The following ABCB1 variants were observed in gnomAD, a reference collection of about 807,000 sequenced individuals.
The protein encoded by ABCB1 is ATP-dependent translocase ABCB1.
A neutral mutation model predicts 142.0 loss-of-function variants in ABCB1; 69 were observed. The ratio of observed to expected loss-of-function variants is 0.49; its 90% confidence interval spans 0.40 to 0.59. The LOEUF is 0.59. Among genes scored for constraint, ABCB1 ranks in the 20% least tolerant of loss-of-function variants. The pLI is 0.00. For missense variants in ABCB1, 1,326 were observed against 1,554.7 expected (o/e 0.85, Z 2.47); for synonymous variants, 532 against 539.2 (o/e 0.99, Z 0.18).
chr7:87,707,914 A>G (rs1282983506), intron 1 of ABCB1, among the ~76,000 whole-genome samples: 1 of 152,100 alleles, frequency 6.6e-6, no homozygotes, highest in African/African-American at 2.4e-5. Flanking sequence ...ACTGAGGAGA[A>G]CTTCTAAATA....
At chr7:87,637,604 A>G (rs997514121) in intron 1 of ABCB1, among the ~76,000 whole-genome samples, 1 of 152,070 alleles carries the variant, frequency 6.6e-6, no homozygotes, top group African/African-American at 2.4e-5. Flanking sequence ...TCAATAATGT[A>G]GTTTTGCATA....
intron 20 of ABCB1, among the ~76,000 whole-genome samples, chr7:87,534,917 TAA>T (rs139364527): frequency 6.9e-4 from 63 of 91,786 alleles, no homozygotes; most frequent in East Asian, 6.5e-3. Flanking sequence ...CCTGTCTCTT[TAA>T]AAAAAAAAAA....
intron 1 of ABCB1, among the ~76,000 whole-genome samples, chr7:87,628,192 C>T (rs1820793193): frequency 6.6e-6 from 1 of 152,162 alleles, no homozygotes. Flanking sequence ...GCCTGTGTGG[C>T]TACTGGCGGC....
At chr7:87,705,270 T>G (rs540810310) in intron 1 of ABCB1, among the ~76,000 whole-genome samples, 11 of 152,080 alleles carry the variant, frequency 7.2e-5, no homozygotes, top group African/African-American at 2.7e-4. Context: ...ACTTAAAATA[T>G]GAAAAATTAG....
intron 1 of ABCB1, among the ~76,000 whole-genome samples, chr7:87,612,615 T>C (rs1014734994): frequency 6.6e-6 from 1 of 152,192 alleles, no homozygotes; most frequent in Non-Finnish European, 1.5e-5. Context: ...GTTCTATTGG[T>C]CTATATATCT....
intron 1 of ABCB1, among the ~76,000 whole-genome samples, chr7:87,659,985 T>C (rs1263171050): frequency 1.3e-5 from 2 of 152,186 alleles, no homozygotes; most frequent in Non-Finnish European, 2.9e-5. Context: ...ATTGTTTTAA[T>C]CTACTTTGCC....
At chr7:87,580,629 T>C (rs1372010483) in intron 4 of ABCB1, among the ~76,000 whole-genome samples, 2 of 152,206 alleles carry the variant, frequency 1.3e-5, no homozygotes, top group African/African-American at 4.8e-5. Context: ...ATTACCCTTT[T>C]AAATAAACTT....
At chr7:87,597,037 A>G (rs1193775379) in intron 2 of ABCB1, among the ~76,000 whole-genome samples, 1 of 152,112 alleles carries the variant, frequency 6.6e-6, no homozygotes, top group Non-Finnish European at 1.5e-5. Flanking sequence ...AAACAATTCT[A>G]TGAGGAAGAC....
At chr7:87,531,550 A>C in intron 20 of ABCB1, 53 bp from the exon 21 acceptor site, 106 of 1,541,172 alleles carry the variant, frequency 6.9e-5, no homozygotes, top group Non-Finnish European at 8.4e-5. Flanking sequence ...TTCACAACTC[A>C]TGCTTCTATT....
At chr7:87,551,224 C>T (rs529048642) in intron 9 of ABCB1, among the ~76,000 whole-genome samples, 1 of 151,972 alleles carries the variant, frequency 6.6e-6, no homozygotes, top group Admixed American at 6.5e-5. Flanking sequence ...GGTCTCGCTA[C>T]GTGTCCCAGC....
At chr7:87,674,914 G>A (rs1339504033) in intron 1 of ABCB1, among the ~76,000 whole-genome samples, 3 of 152,196 alleles carry the variant, frequency 2.0e-5, no homozygotes, top group African/African-American at 7.2e-5. Context: ...AAGCCTTGGG[G>A]GAGGGGCATC....
intron 14 of ABCB1, among the ~76,000 whole-genome samples, chr7:87,547,139 T>C (rs577643426): frequency 6.6e-6 from 1 of 152,202 alleles, no homozygotes; most frequent in Non-Finnish European, 1.5e-5. Flanking sequence ...ACTCTATATG[T>C]CTCTCTAATA....
At chr7:87,546,433 A>G (rs1816784723) in intron 14 of ABCB1, among the ~76,000 whole-genome samples, 1 of 151,932 alleles carries the variant, frequency 6.6e-6, no homozygotes, top group Admixed American at 6.6e-5. Flanking sequence ...CTAAAAATAC[A>G]AAAAATTAGC....
chr7:87,566,010 G>A, intron 7 of ABCB1, 60 bp downstream of exon 7: 1 of 1,571,440 alleles, frequency 6.4e-7, no homozygotes, highest in Non-Finnish European at 8.8e-7. Context: ...CCTTTCCGTA[G>A]GGTGAGAGCA....
At position 87,515,222 on chromosome 7, in the gene ABCB1, T is replaced by C. The variant is rs1815177307; in HGVS notation, c.3282+9A>G. The C allele has an allele frequency of 6.2e-7, 1 of 1,612,890 alleles. No individual in the cohort carries two copies. Among genetic ancestry groups the C allele is most frequent in the Non-Finnish European group, 8.5e-7 (1 of 1,179,952 alleles). ...ACCTGAACTGAGCTAAATGTGAAAGTGTGCTCACCACTTTCCCTGCCAAGG... is the reference window on the plus strand; with the variant it reads ...ACCTGAACTGAGCTAAATGTGAAAGCGTGCTCACCACTTTCCCTGCCAAGG... On this transcript the variant is annotated intron_variant, in intron 25 of 27. Coordinates refer to ENST00000622132, the MANE Select transcript of ABCB1 (RefSeq NM_001348946.2).
chr7:87,557,257 G>A (rs868105591), intron 8 of ABCB1, among the ~76,000 whole-genome samples: 1 of 151,702 alleles, frequency 6.6e-6, no homozygotes, highest in African/African-American at 2.4e-5. Context: ...CTCTGTTTCT[G>A]ATTCACAGCT....
Position 87,626,057 on chromosome 7 carries a change from T to C in ABCB1, c.-330-24979A>G, listed in dbSNP as rs1187552484. ...AGAGAGAGAGAGAGATGGAGTCTCA[T>C]TCTGTCGCCCAGGCTGAGACATATA... On this transcript the variant is annotated intron_variant, in intron 1 of 28. Transcript: ENST00000265724. 6.4e-5 allele frequency among the ~76,000 whole-genome samples: 9 copies of C among 139,950 alleles called. No individual in the cohort carries two copies. The East Asian group carries it at 1.1e-3, about 17-fold the overall frequency. 91.8% of individuals were successfully genotyped at this position (139,950 alleles called of 152,430 possible).
At chr7:87,711,934 G>A (rs1238166918) in intron 1 of ABCB1, among the ~76,000 whole-genome samples, 11 of 152,118 alleles carry the variant, frequency 7.2e-5, no homozygotes, top group South Asian at 4.2e-4. Flanking sequence ...AAAAAAATAA[G>A]CACAAAGAAA....
intron 19 of ABCB1, among the ~76,000 whole-genome samples, chr7:87,537,252 T>C (rs1242042055): frequency 6.6e-6 from 1 of 152,080 alleles, no homozygotes; most frequent in Non-Finnish European, 1.5e-5. Context: ...GAGATGAGAT[T>C]TGAGAGAGAG....
Sources: allele counts gnomAD v4.1 joint callset (sites outside exome capture counted in the v4.1 genomes callset), GRCh38; gene constraint gnomAD v4.1.1; transcripts MANE v1.5; gene names NCBI Gene and HGNC (gene_info 2026-07-23, HGNC 2026-07-21).